The following SNTG1 variants were observed in gnomAD, a reference collection of about 807,000 sequenced individuals.
The protein encoded by SNTG1 is gamma-1-syntrophin.
Under a neutral mutation model 74.7 loss-of-function variants are expected in SNTG1, and 39 were observed. The ratio of observed to expected loss-of-function variants is 0.52; its 90% CI spans 0.40 to 0.68. The LOEUF (loss-of-function observed/expected upper bound fraction) is 0.68, where lower values mean the gene tolerates loss of function less well. Among genes scored for constraint, SNTG1 ranks in the 30% least tolerant of loss-of-function variants. The pLI, the probability that SNTG1 is intolerant of heterozygous loss-of-function variation, is 0.00. For synonymous variants in SNTG1, 254 were observed against 217.1 expected, an observed-to-expected ratio of 1.17 and a Z score of -1.49; for missense variants, 685 against 609.5, an observed-to-expected ratio of 1.12 and a Z score of -1.30.
intron 1 of SNTG1, among the ~76,000 whole-genome samples, chr8:49,948,974 A>T (rs893648709): frequency 7.2e-5 from 11 of 152,172 alleles, no homozygotes; most frequent in African/African-American, 2.7e-4. Context: ...AGCTTCTGAG[A>T]TCACGCCTTC....
At chr8:50,614,152 A>G (rs1292589730) in intron 13 of SNTG1, among the ~76,000 whole-genome samples, 2 of 152,172 alleles carry the variant, frequency 1.3e-5, no homozygotes, top group Non-Finnish European at 2.9e-5. Context: ...TTAAGAAACA[A>G]TTGAAAATAA....
intron 8 of SNTG1, among the ~76,000 whole-genome samples, chr8:50,487,211 G>A (rs1463945061): frequency 6.6e-6 from 1 of 152,170 alleles, no homozygotes; most frequent in African/African-American, 2.4e-5. Context: ...AGGATGTGGA[G>A]AAATAGGAAC....
intron 18 of SNTG1, among the ~76,000 whole-genome samples, chr8:50,769,207 T>C (rs753050457): frequency 2.6e-5 from 4 of 151,914 alleles, no homozygotes; most frequent in Non-Finnish European, 5.9e-5. Context: ...AAAATTTGCA[T>C]TAACATCTTA....
chr8:49,950,600 T>C (rs1384971421), intron 1 of SNTG1, among the ~76,000 whole-genome samples: 1 of 152,206 alleles, frequency 6.6e-6, no homozygotes, highest in East Asian at 1.9e-4. Context: ...ATCTTTTTAT[T>C]AGGCTATGGC....
Position 50,393,884 on chromosome 8 carries a change from T to C in SNTG1, c.-27-328T>C, listed in dbSNP as rs929449767. 9.8e-5 allele frequency among the ~76,000 whole-genome samples: 15 copies of C among 152,326 alleles called. 1 individual carries two copies. In the South Asian group the frequency reaches 3.1e-3, roughly 32 times the overall value. On this transcript the variant is annotated intron_variant, in intron 2 of 18. Coordinates refer to ENST00000642720, the MANE Select transcript of SNTG1 (RefSeq NM_018967.5). The stretch of plus-strand genomic sequence containing the variant: ...TCAATTGCAAACTCAGGTTTCACAA[T>C]GCATGTTGGGAATGAGCGAGAAGAG...
intron 12 of SNTG1, among the ~76,000 whole-genome samples, chr8:50,586,615 T>C (rs552409981): frequency 6.6e-6 from 1 of 150,792 alleles, no homozygotes; most frequent in South Asian, 2.1e-4. Flanking sequence ...ATTTTAGAAG[T>C]AAATAATGAC....
intron 1 of SNTG1, among the ~76,000 whole-genome samples, chr8:50,152,209 T>G (rs1395521778): frequency 6.6e-6 from 1 of 152,220 alleles, no homozygotes; most frequent in Non-Finnish European, 1.5e-5. Flanking sequence ...GTCTGTTTTA[T>G]CAGAGACTGG....
At chr8:50,400,718 T>C (rs1253657051) in intron 3 of SNTG1, among the ~76,000 whole-genome samples, 5 of 152,180 alleles carry the variant, frequency 3.3e-5, no homozygotes, top group African/African-American at 1.2e-4. Context: ...TGGTATTACA[T>C]TGTGGTTTTG....
rs773047415 is a variant in SNTG1, at chr8:50,191,196, G to A, written c.-28+18561G>A. ...TTTGTTATTTATATTATGCTGTGGTGTTTCTGGGATAAAATCCTCTCTGTC... is the reference window on the plus strand; with the variant it reads ...TTTGTTATTTATATTATGCTGTGGTATTTCTGGGATAAAATCCTCTCTGTC... On this transcript the variant is annotated intron_variant, in intron 2 of 18. Transcript: ENST00000642720. 3.4e-4 allele frequency among the ~76,000 whole-genome samples: 51 copies of A among 152,044 alleles called. 1 individual carries two copies. Among genetic ancestry groups the A allele is most frequent in the Admixed American group, 3.0e-3 (46 of 15,228 alleles).
intron 1 of SNTG1, among the ~76,000 whole-genome samples, chr8:49,947,292 C>T (rs973741447): frequency 6.6e-6 from 1 of 152,008 alleles, no homozygotes; most frequent in Non-Finnish European, 1.5e-5. Context: ...AAGAGCAAAA[C>T]TCCGTCTCAA....
chr8:50,521,893 C>A (rs1238132428), intron 9 of SNTG1, among the ~76,000 whole-genome samples: 1 of 152,070 alleles, frequency 6.6e-6, no homozygotes, highest in Non-Finnish European at 1.5e-5. Context: ...ACTCTTACTG[C>A]CTCTACTTGA....
At chr8:50,685,921 C>A (rs1313285769) in intron 15 of SNTG1, among the ~76,000 whole-genome samples, 1 of 151,990 alleles carries the variant, frequency 6.6e-6, no homozygotes, top group Non-Finnish European at 1.5e-5. Flanking sequence ...TGTATTCTAC[C>A]ATGCAATATC....
intron 2 of SNTG1, among the ~76,000 whole-genome samples, chr8:50,222,287 T>C (rs1364275312): frequency 6.6e-6 from 1 of 152,176 alleles, no homozygotes; most frequent in Non-Finnish European, 1.5e-5. Context: ...AAAGGCAGTA[T>C]AGCCTGAGGG....
chr8:50,523,418 C>T (rs560385494), intron 9 of SNTG1, among the ~76,000 whole-genome samples: 1 of 152,206 alleles, frequency 6.6e-6, no homozygotes, highest in African/African-American at 2.4e-5. Context: ...TTTTTCTTTT[C>T]TAGCTTGTGA....
At chr8:50,306,903 A>C (rs2089922407) in intron 2 of SNTG1, among the ~76,000 whole-genome samples, 2 of 151,736 alleles carry the variant, frequency 1.3e-5, no homozygotes, top group Admixed American at 1.3e-4. Flanking sequence ...AATCACATTT[A>C]CTTTTTTTTT....
At chr8:50,437,165 A>T (rs934255033) in intron 4 of SNTG1, among the ~76,000 whole-genome samples, 3 of 152,188 alleles carry the variant, frequency 2.0e-5, no homozygotes, top group African/African-American at 7.2e-5. Flanking sequence ...ATTACTCAGC[A>T]CATTGTCAAA....
intron 1 of SNTG1, among the ~76,000 whole-genome samples, chr8:49,996,404 A>C (rs934617223): frequency 2.0e-5 from 3 of 152,072 alleles, no homozygotes; most frequent in Admixed American, 6.6e-5. Context: ...TGTTTGTTGA[A>C]ACATTCTTTA....
chr8:50,465,718 T>C (rs1466594039), intron 8 of SNTG1, among the ~76,000 whole-genome samples: 2 of 152,176 alleles, frequency 1.3e-5, no homozygotes, highest in Non-Finnish European at 2.9e-5. Context: ...CCTTTTTAGA[T>C]TGGCTTTTTT....
At chr8:50,107,739 C>T (rs928736233) in intron 1 of SNTG1, among the ~76,000 whole-genome samples, 5 of 151,670 alleles carry the variant, frequency 3.3e-5, no homozygotes, top group African/African-American at 4.8e-5. Context: ...TTAGTAGAGA[C>T]GGGGTTTTAC....
Sources: gnomAD v4.1 joint callset for allele counts (sites outside exome capture counted in the v4.1 genomes callset) on GRCh38, gnomAD v4.1.1 for gene constraint, MANE v1.5 for transcripts, NCBI Gene and HGNC (gene_info 2026-07-23, HGNC 2026-07-21) for gene names.